The following TAF1B variants were observed in gnomAD, a reference collection of about 807,000 sequenced individuals.
The protein encoded by TAF1B is TATA box-binding protein-associated factor RNA polymerase I subunit B.
TAF1B carries 61 observed loss-of-function variants against 83.9 expected under a neutral mutation model. The ratio of observed to expected loss-of-function variants is 0.73; its 90% CI spans 0.59 to 0.90. The LOEUF is 0.90. TAF1B is among the 40% of genes least tolerant of loss of function. The probability of loss-of-function intolerance (pLI) is 0.00; values close to 1 mark genes in which losing one functional copy is unlikely to be tolerated. For missense variants in TAF1B, 625 were observed against 677.0 expected (o/e 0.92, Z 0.85); for synonymous variants, 221 against 224.6 (o/e 0.98, Z 0.14).
At chr2:9,895,961 G>C (rs1380800001) in intron 8 of TAF1B, among the ~76,000 whole-genome samples, 1 of 151,974 alleles carries the variant, frequency 6.6e-6, no homozygotes, top group East Asian at 1.9e-4. Flanking sequence ...CTTCACGAAG[G>C]AAAGTAAACT....
intron 8 of TAF1B, among the ~76,000 whole-genome samples, chr2:9,885,422 T>C (rs1409045695): frequency 2.0e-5 from 3 of 152,232 alleles, no homozygotes; most frequent in Non-Finnish European, 2.9e-5. Context: ...TAAAGGATAT[T>C]GCATAAATGT....
intron 8 of TAF1B, among the ~76,000 whole-genome samples, chr2:9,897,920 C>T (rs1316433920): frequency 1.3e-5 from 2 of 152,080 alleles, no homozygotes; most frequent in African/African-American, 4.8e-5. Context: ...CCCTCCCAGA[C>T]AGCATGAGGG....
At chr2:9,901,632 C>A (rs897020521) in intron 8 of TAF1B, among the ~76,000 whole-genome samples, 1 of 151,972 alleles carries the variant, frequency 6.6e-6, no homozygotes, top group Non-Finnish European at 1.5e-5. Flanking sequence ...GCATCTCTTA[C>A]CTGCATTATT....
chr2:9,908,953 A>G (rs914274121), intron 9 of TAF1B, among the ~76,000 whole-genome samples: 10 of 152,354 alleles, frequency 6.6e-5, no homozygotes, highest in Admixed American at 2.6e-4. Flanking sequence ...TAGTTGCTCA[A>G]TAAATGTTTG....
At chr2:9,875,523 C>T (rs746981663) in intron 6 of TAF1B, among the ~76,000 whole-genome samples, 10 of 152,048 alleles carry the variant, frequency 6.6e-5, no homozygotes, top group East Asian at 1.9e-4. Flanking sequence ...CTCACAATCA[C>T]GGTAGAAGGT....
intron 8 of TAF1B, among the ~76,000 whole-genome samples, chr2:9,884,844 G>A (rs1351548815): frequency 6.6e-6 from 1 of 152,040 alleles, no homozygotes; most frequent in African/African-American, 2.4e-5. Context: ...GGGCATCCTT[G>A]TGCTCTCAGG....
intron 8 of TAF1B, among the ~76,000 whole-genome samples, chr2:9,884,059 G>A (rs1194057584): frequency 6.6e-6 from 1 of 152,238 alleles, no homozygotes; most frequent in Non-Finnish European, 1.5e-5. Context: ...ATGGAATGGT[G>A]ATGGATGTGT....
chr2:9,883,566 A>G (rs1233322645), intron 8 of TAF1B, among the ~76,000 whole-genome samples: 1 of 152,212 alleles, frequency 6.6e-6, no homozygotes, highest in African/African-American at 2.4e-5. Context: ...CCAGCCTGTC[A>G]GTGTTAATAA....
At chr2:9,919,252 C>T (rs1572285413) in intron 13 of TAF1B, 141 bp downstream of exon 13, 2 of 678,876 alleles carry the variant, frequency 2.9e-6, no homozygotes, top group Non-Finnish European at 5.0e-6. Flanking sequence ...TCCAAAGGAG[C>T]ATCATACTCT....
At chr2:9,864,988 G>T (rs968971889) in intron 5 of TAF1B, among the ~76,000 whole-genome samples, 17 of 152,186 alleles carry the variant, frequency 1.1e-4, no homozygotes, top group African/African-American at 1.4e-4. Context: ...ATATCATACT[G>T]AATGGACAAA....
At chr2:9,861,219 G>A (rs966319395) in intron 5 of TAF1B, among the ~76,000 whole-genome samples, 1 of 152,214 alleles carries the variant, frequency 6.6e-6, no homozygotes, top group African/African-American at 2.4e-5. Flanking sequence ...GGTGACAGAC[G>A]GCACCTGGAA....
At chr2:9,863,151 C>T (rs1004458488) in intron 5 of TAF1B, among the ~76,000 whole-genome samples, 13 of 152,100 alleles carry the variant, frequency 8.5e-5, no homozygotes, top group Non-Finnish European at 1.9e-4. Context: ...CACAGACTGG[C>T]AAATTGGATA....
chr2:9,866,301 A>C (rs914157617), intron 5 of TAF1B, among the ~76,000 whole-genome samples: 5 of 152,254 alleles, frequency 3.3e-5, no homozygotes, highest in African/African-American at 9.6e-5. Context: ...TTCTCAAAAG[A>C]AGACATTTAT....
chr2:9,895,934 C>A (rs1372374147), intron 8 of TAF1B, among the ~76,000 whole-genome samples: 1 of 150,986 alleles, frequency 6.6e-6, no homozygotes, highest in African/African-American at 2.4e-5. Context: ...CCTGTCCTTA[C>A]CTGTCTTAAA....
intron 8 of TAF1B, among the ~76,000 whole-genome samples, chr2:9,896,517 GC>G (rs1348965230): frequency 3.3e-5 from 5 of 150,410 alleles, no homozygotes; most frequent in African/African-American, 1.2e-4. Context: ...ATGAAGATAT[GC>G]CAGTGGAGTT....
Position 9,912,268 on chromosome 2 carries a change from TC to T in TAF1B, c.1180+712del, listed in dbSNP as rs367805783. Among the ~76,000 whole-genome samples the T allele has an allele frequency of 6.6e-3, 1,000 of 151,612 alleles. 14 individuals are homozygous for T. The highest frequency in any genetic ancestry group is 0.022 in the African/African-American group (915 of 41,416). ...GAGGGATCATATCTTTTTTTTTTTTTCTTTTAATGTATCTTTAGTGCCTAAC... is the reference window on the plus strand; with the variant it reads ...GAGGGATCATATCTTTTTTTTTTTTTTTTTAATGTATCTTTAGTGCCTAAC... On this transcript the variant is annotated intron_variant, in intron 11 of 14. Transcript: ENST00000263663.
chr2:9,929,507 A>G (rs1666148448), intron 14 of TAF1B, among the ~76,000 whole-genome samples: 1 of 152,148 alleles, frequency 6.6e-6, no homozygotes, highest in Admixed American at 6.5e-5. Context: ...CGTATGTTGA[A>G]CCAGCCTTCC....
intron 14 of TAF1B, among the ~76,000 whole-genome samples, chr2:9,931,540 G>A (rs939556203): frequency 1.4e-4 from 21 of 152,208 alleles, no homozygotes; most frequent in African/African-American, 4.1e-4. Context: ...GAGATCAGCT[G>A]TTAGTCTGAT....
At chr2:9,885,251 A>C (rs756413186) in intron 8 of TAF1B, among the ~76,000 whole-genome samples, 1 of 152,198 alleles carries the variant, frequency 6.6e-6, no homozygotes, top group African/African-American at 2.4e-5. Flanking sequence ...TGTCTGCTTT[A>C]TATGTAAAAT....
Sources: allele counts gnomAD v4.1 joint callset (sites outside exome capture counted in the v4.1 genomes callset), GRCh38; gene constraint gnomAD v4.1.1; transcripts MANE v1.5; gene names NCBI Gene and HGNC (gene_info 2026-07-23, HGNC 2026-07-21).